The following LRBA variants were observed in gnomAD, a reference collection of about 807,000 sequenced individuals.
LRBA encodes LPS responsive beige-like anchor protein, also known as lipopolysaccharide-responsive and beige-like anchor protein.
A neutral mutation model predicts 330.0 loss-of-function variants in LRBA; 176 were observed. The observed-to-expected ratio is 0.53, with a 90% CI of 0.47 to 0.60. The LOEUF (loss-of-function observed/expected upper bound fraction) is 0.60, where lower values mean the gene tolerates loss of function less well. LRBA is among the 20% of genes least tolerant of loss of function. The probability of loss-of-function intolerance (pLI) is 0.00; values close to 1 mark genes in which losing one functional copy is unlikely to be tolerated. For missense variants in LRBA, 3,259 were observed against 3,444.8 expected, an observed-to-expected ratio of 0.95 and a Z score of 1.35; for synonymous variants, 1,230 against 1,193.0, an observed-to-expected ratio of 1.03 and a Z score of -0.64.
At chr4:150,650,265 TTATTAA>T (rs1779583630) in intron 37 of LRBA, among the ~76,000 whole-genome samples, 3 of 152,160 alleles carry the variant, frequency 2.0e-5, no homozygotes, top group African/African-American at 7.2e-5. Context: ...TCTTTTTGCT[TTATTAA>T]TATTAACATG....
chr4:150,370,704 A>G (rs1740148060), intron 47 of LRBA, among the ~76,000 whole-genome samples: 1 of 152,210 alleles, frequency 6.6e-6, no homozygotes, highest in Non-Finnish European at 1.5e-5. Flanking sequence ...CATCAGTTAT[A>G]ACACAGTAAG....
intron 47 of LRBA, among the ~76,000 whole-genome samples, chr4:150,394,904 G>A (rs1744510528): frequency 6.6e-6 from 1 of 152,118 alleles, no homozygotes; most frequent in Non-Finnish European, 1.5e-5. Context: ...ACTATTATAT[G>A]CTTGTAGTCA....
intron 20 of LRBA, among the ~76,000 whole-genome samples, chr4:150,868,560 T>A (rs1026162087): frequency 2.0e-5 from 3 of 152,156 alleles, no homozygotes; most frequent in Non-Finnish European, 4.4e-5. Context: ...AAGGTTAAAA[T>A]AAAACAAGTT....
Position 150,432,453 on chromosome 4 carries a change from C to CCTTT in LRBA, c.7041+3135_7041+3136insAAAG, listed in dbSNP as rs1276929990. On this transcript the variant is annotated intron_variant, in intron 46 of 56. Transcript: ENST00000651943. The stretch of plus-strand genomic sequence containing the variant: ...TATATTACAGTAATTTAAGTGTGTT[C>CCTTT]TTTTTTTTTTTTTTTTTTTTTTTTG... 1.0e-4 allele frequency among the ~76,000 whole-genome samples: 10 copies of CCTTT among 98,424 alleles called. No homozygotes were observed. The Admixed American group carries it at 1.3e-3, about 13-fold the overall frequency. The allele number at this position is 98,424 out of a possible 152,430, so 64.6% of individuals were successfully genotyped here.
At chr4:150,318,416 A>T (rs1732013145) in intron 50 of LRBA, among the ~76,000 whole-genome samples, 1 of 152,200 alleles carries the variant, frequency 6.6e-6, no homozygotes, top group South Asian at 2.1e-4. Flanking sequence ...TGGAAATCAT[A>T]GATCCTCAGA....
chr4:150,784,864 G>T (rs186950571), intron 34 of LRBA, among the ~76,000 whole-genome samples: 5 of 152,316 alleles, frequency 3.3e-5, no homozygotes, highest in African/African-American at 1.2e-4. Context: ...GAACATTTAA[G>T]ATCTACACTC....
chr4:150,503,304 A>G (rs1760553227), intron 40 of LRBA, among the ~76,000 whole-genome samples: 1 of 152,176 alleles, frequency 6.6e-6, no homozygotes, highest in Non-Finnish European at 1.5e-5. Context: ...GGCACCCCCC[A>G]GTAGGGGCGG....
At chr4:150,860,238 G>A (rs1751723122) in intron 22 of LRBA, among the ~76,000 whole-genome samples, 2 of 152,036 alleles carry the variant, frequency 1.3e-5, no homozygotes, top group South Asian at 4.1e-4. Context: ...AAAATAAAAG[G>A]TGAACAAATG....
chr4:150,585,502 T>C (rs1215569700), intron 40 of LRBA, among the ~76,000 whole-genome samples: 28 of 152,228 alleles, frequency 1.8e-4, no homozygotes, highest in Non-Finnish European at 4.1e-4. Flanking sequence ...TATACTCATT[T>C]CAATGTTTCA....
intron 37 of LRBA, among the ~76,000 whole-genome samples, chr4:150,674,152 C>T (rs1013507955): frequency 1.4e-5 from 2 of 147,646 alleles, no homozygotes; most frequent in Non-Finnish European, 3.0e-5. Flanking sequence ...ACAGTATTTA[C>T]AAAAAAAAGT....
At chr4:150,897,667 CAA>C (rs1730243072) in intron 15 of LRBA, 70 bp downstream of exon 15, 1 of 1,069,066 alleles carries the variant, frequency 9.4e-7, no homozygotes, top group Non-Finnish European at 1.4e-6. Context: ...ATAAAAAAAC[CAA>C]GATTGTATTT....
intron 47 of LRBA, among the ~76,000 whole-genome samples, chr4:150,414,864 GAA>G (rs1747509141): frequency 6.6e-6 from 1 of 152,120 alleles, no homozygotes; most frequent in African/African-American, 2.4e-5. Flanking sequence ...AGGCAAAAAG[GAA>G]AAGTCATATT....
intron 36 of LRBA, among the ~76,000 whole-genome samples, chr4:150,697,617 T>C (rs1784764466): frequency 1.3e-5 from 2 of 152,100 alleles, no homozygotes; most frequent in Admixed American, 1.3e-4. Context: ...AAGGAATTAT[T>C]CCTCAAAGGT....
At chr4:150,412,957 A>G (rs915568265) in intron 47 of LRBA, among the ~76,000 whole-genome samples, 10 of 151,856 alleles carry the variant, frequency 6.6e-5, no homozygotes, top group African/African-American at 2.4e-4. Flanking sequence ...TTTTCAAAAT[A>G]TATGTTGGAT....
At chr4:150,406,758 G>A (rs1746251837) in intron 47 of LRBA, among the ~76,000 whole-genome samples, 1 of 152,088 alleles carries the variant, frequency 6.6e-6, no homozygotes, top group African/African-American at 2.4e-5. Flanking sequence ...CATGGGAAAA[G>A]GTTCTTTGCA....
In LRBA at chr4:150,921,401, G is replaced by T. The variant is rs58328072; in HGVS notation, c.550-108C>A. On this transcript the variant is annotated intron_variant, in intron 4 of 56. Transcript: ENST00000651943. ...ATATATACAGGAATAATGCTATAAG[G>T]TTAAAAGCATAGAAAATAATTTCTA... 7 of 675,818 alleles carry T rather than the reference G, an allele frequency of 1.0e-5. 1 individual carries two copies. In the South Asian group the frequency reaches 1.3e-4, roughly 12 times the overall value. The allele number at this position is 675,818 out of a possible 1,614,324, so 41.9% of individuals were successfully genotyped here.
At chr4:150,867,955 C>T in intron 21 of LRBA, 92 bp from the exon 22 acceptor site, 1 of 1,084,302 alleles carries the variant, frequency 9.2e-7, no homozygotes, top group South Asian at 1.7e-5. Flanking sequence ...CCTGCCCCTC[C>T]CTTTCCCCCC....
intron 37 of LRBA, among the ~76,000 whole-genome samples, chr4:150,607,776 C>T (rs193111591): frequency 9.3e-4 from 142 of 152,172 alleles, no homozygotes; most frequent in Non-Finnish European, 1.8e-4. Flanking sequence ...GTGGCTCACA[C>T]CTGTAATCCC....
At chr4:150,390,856 T>C (rs1297364267) in intron 47 of LRBA, among the ~76,000 whole-genome samples, 1 of 152,182 alleles carries the variant, frequency 6.6e-6, no homozygotes, top group African/African-American at 2.4e-5. Flanking sequence ...CCTCTCAAGC[T>C]GAAATCAGAA....
Sources: allele counts gnomAD v4.1 joint callset (sites outside exome capture counted in the v4.1 genomes callset), GRCh38; gene constraint gnomAD v4.1.1; transcripts MANE v1.5; gene names NCBI Gene and HGNC (gene_info 2026-07-23, HGNC 2026-07-21).